Variants in CNTN5 observed in about 807,000 individuals in gnomAD.
CNTN5 encodes the protein contactin 5, also known as contactin-5.
CNTN5 carries 77 observed loss-of-function variants against 129.1 expected under a neutral mutation model. The observed-to-expected ratio is 0.60, with a 90% CI of 0.50 to 0.72. CNTN5 has a LOEUF of 0.72. Ranked by LOEUF, CNTN5 falls within the 30% of genes least tolerant of loss-of-function variation. The pLI, the probability that CNTN5 is intolerant of heterozygous loss-of-function variation, is 0.00. For missense variants in CNTN5, 1,478 were observed against 1,328.8 expected, an observed-to-expected ratio of 1.11 and a Z score of -1.75; for synonymous variants, 509 against 465.6, an observed-to-expected ratio of 1.09 and a Z score of -1.20.
intron 16 of CNTN5, among the ~76,000 whole-genome samples, chr11:100,249,659 C>T (rs988337177): frequency 1.8e-4 from 27 of 152,114 alleles, no homozygotes; most frequent in African/African-American, 6.3e-4. Context: ...ATCACTGAGA[C>T]GTTTGCTTAT....
chr11:99,383,162 A>T (rs1196197424), intron 2 of CNTN5, among the ~76,000 whole-genome samples: 1 of 152,026 alleles, frequency 6.6e-6, no homozygotes, highest in African/African-American at 2.4e-5. Context: ...GCCTCTAAAT[A>T]ACTTTTATTT....
intron 1 of CNTN5, among the ~76,000 whole-genome samples, chr11:99,180,200 T>C (rs1055763713): frequency 6.6e-6 from 1 of 152,116 alleles, no homozygotes; most frequent in African/African-American, 2.4e-5. Flanking sequence ...AAGCAAATGA[T>C]ATAATAATAA....
intron 3 of CNTN5, among the ~76,000 whole-genome samples, chr11:99,681,048 T>A (rs1953529065): frequency 6.6e-6 from 1 of 151,914 alleles, no homozygotes; most frequent in African/African-American, 2.4e-5. Context: ...AGAACTAGAA[T>A]TAGAAGTGGA....
At chr11:99,997,205 C>T (rs968932102) in intron 8 of CNTN5, among the ~76,000 whole-genome samples, 4 of 152,040 alleles carry the variant, frequency 2.6e-5, no homozygotes, top group African/African-American at 9.7e-5. Context: ...GATTCATTAA[C>T]TTTTTGAAGG....
intron 9 of CNTN5, among the ~76,000 whole-genome samples, chr11:100,032,547 AGAAAGTACTAAC>A (rs1430274735): frequency 6.6e-6 from 1 of 152,050 alleles, no homozygotes; most frequent in African/African-American, 2.4e-5. Context: ...AGGAGTATTA[AGAAAGTACTAAC>A]TGTCAATGTT....
At chr11:99,130,509 A>AATAGTGGG (rs1483619687) in intron 1 of CNTN5, among the ~76,000 whole-genome samples, 1 of 152,186 alleles carries the variant, frequency 6.6e-6, no homozygotes, top group Non-Finnish European at 1.5e-5. Flanking sequence ...CCCACACGAT[A>AATAGTGGG]ATAGTGGGAG....
intron 2 of CNTN5, among the ~76,000 whole-genome samples, chr11:99,367,696 C>A (rs1021292082): frequency 6.6e-6 from 1 of 152,020 alleles, no homozygotes; most frequent in Non-Finnish European, 1.5e-5. Context: ...TAGGAGAAAA[C>A]TTCAGAGTGT....
intron 6 of CNTN5, among the ~76,000 whole-genome samples, chr11:99,889,361 T>TAC (rs1310763792): frequency 2.1e-5 from 3 of 142,870 alleles, no homozygotes; most frequent in East Asian, 2.0e-4. Flanking sequence ...TGTGTGTATA[T>TAC]ATATCTCTCC....
At chr11:100,012,713 TA>T (rs1940602234) in intron 9 of CNTN5, among the ~76,000 whole-genome samples, 1 of 152,168 alleles carries the variant, frequency 6.6e-6, no homozygotes, top group Non-Finnish European at 1.5e-5. Context: ...TTTCAGTTGC[TA>T]AGAGTAATTT....
intron 3 of CNTN5, among the ~76,000 whole-genome samples, chr11:99,727,944 A>T (rs769803436): frequency 6.6e-6 from 1 of 152,172 alleles, no homozygotes. Context: ...AGTTTAAATC[A>T]TTTGTCTGAG....
At chr11:99,911,921 C>G (rs1191125096) in intron 6 of CNTN5, among the ~76,000 whole-genome samples, 1 of 151,886 alleles carries the variant, frequency 6.6e-6, no homozygotes, top group African/African-American at 2.4e-5. Context: ...TAGCCAACTT[C>G]CAATAATTTA....
At chr11:100,235,293 G>A (rs554407676) in intron 16 of CNTN5, among the ~76,000 whole-genome samples, 1 of 152,184 alleles carries the variant, frequency 6.6e-6, no homozygotes, top group African/African-American at 2.4e-5. Flanking sequence ...TTTGAATACT[G>A]AGTAGTAATT....
intron 2 of CNTN5, among the ~76,000 whole-genome samples, chr11:99,440,851 A>C (rs1943799291): frequency 6.6e-6 from 1 of 152,174 alleles, no homozygotes; most frequent in Non-Finnish European, 1.5e-5. Flanking sequence ...ATTGCAAGGG[A>C]AGCTGGGATA....
At chr11:99,789,911 ACTCTTT>A (rs1184768792) in intron 3 of CNTN5, among the ~76,000 whole-genome samples, 3 of 151,536 alleles carry the variant, frequency 2.0e-5, no homozygotes, top group Non-Finnish European at 3.0e-5. Flanking sequence ...TAGTTTTTCA[ACTCTTT>A]CTCTATCTCC....
At chr11:99,357,078 G>C (rs577063068) in intron 2 of CNTN5, among the ~76,000 whole-genome samples, 4 of 152,252 alleles carry the variant, frequency 2.6e-5, no homozygotes, top group South Asian at 2.1e-4. Flanking sequence ...AACCCAGTAA[G>C]GTACATTTTA....
intron 7 of CNTN5, among the ~76,000 whole-genome samples, chr11:99,935,027 A>C (rs1950283794): frequency 6.7e-6 from 1 of 149,840 alleles, no homozygotes; most frequent in African/African-American, 2.4e-5. Flanking sequence ...TAATATCTAG[A>C]AAATGGAAAT....
chr11:100,044,405 C>G (rs1029974058), intron 9 of CNTN5, among the ~76,000 whole-genome samples: 2 of 151,994 alleles, frequency 1.3e-5, no homozygotes, highest in Admixed American at 1.3e-4. Flanking sequence ...TGAGAAAACT[C>G]CAAACTGTTT....
intron 13 of CNTN5, among the ~76,000 whole-genome samples, chr11:100,118,244 G>A (rs926793695): frequency 1.3e-5 from 2 of 151,546 alleles, no homozygotes; most frequent in Non-Finnish European, 3.0e-5. Flanking sequence ...GTACACTGTT[G>A]GGGTAGTGTA....
At chr11:100,297,526 C>G (rs765822505) in intron 18 of CNTN5, 99 bp from the exon 19 acceptor site, 12 of 831,540 alleles carry the variant, frequency 1.4e-5, no homozygotes, top group Non-Finnish European at 2.4e-5. Context: ...TTAATATGAC[C>G]ATTCTGACTT....
Sources: allele counts gnomAD v4.1 joint callset (sites outside exome capture counted in the v4.1 genomes callset), GRCh38; gene constraint gnomAD v4.1.1; transcripts MANE v1.5; gene names NCBI Gene and HGNC (gene_info 2026-07-23, HGNC 2026-07-21).